PRKAR1B: variants seen among roughly 807,000 people sequenced by gnomAD.
PRKAR1B encodes cAMP-dependent protein kinase type I-beta regulatory subunit.
A neutral mutation model predicts 46.5 loss-of-function variants in PRKAR1B; 22 were observed. The observed-to-expected ratio is 0.47, with a 90% CI of 0.34 to 0.68. The LOEUF is 0.68. PRKAR1B is among the 30% of genes least tolerant of loss of function. PRKAR1B has a pLI of 0.01. For missense variants in PRKAR1B, 445 were observed against 535.6 expected (o/e 0.83, Z 1.67); for synonymous variants, 259 against 217.7 (o/e 1.19, Z -1.67).
rs181199040 is a variant in PRKAR1B at position 550,283 on chromosome 7, G to A, written c.*147C>T. 2.3e-4 allele frequency: 146 copies of A among 637,718 alleles called. No individual in the cohort carries two copies. Among genetic ancestry groups the A allele is most frequent in the Admixed American group, 1.6e-3 (56 of 34,168 alleles). The allele number at this position is 637,718 out of a possible 1,614,324, so 39.5% of individuals were successfully genotyped here. ...AAGGTGATCATTTATTCCAAAAAGT[G>A]AGTCCGGGGAAGGGGCAGTCCTCAC... On this transcript the variant is annotated 3_prime_UTR_variant, in exon 11 of 11. Transcript: ENST00000537384.
intron 5 of PRKAR1B, 30 bp downstream of exon 5, chr7:607,361 C>T: frequency 6.2e-7 from 1 of 1,600,888 alleles, no homozygotes; most frequent in Non-Finnish European, 8.6e-7. Context: ...CCCCTCTGGA[C>T]TTTGGCTCCG....
intron 2 of PRKAR1B, among the ~76,000 whole-genome samples, chr7:708,981 C>T (rs377140293): frequency 6.6e-6 from 1 of 150,854 alleles, no homozygotes; most frequent in Admixed American, 6.6e-5. Flanking sequence ...TTAGTAGAGA[C>T]GGGGTTTCAC....
intron 2 of PRKAR1B, among the ~76,000 whole-genome samples, chr7:699,972 C>T (rs905342180): frequency 2.0e-5 from 3 of 152,072 alleles, no homozygotes; most frequent in Non-Finnish European, 4.4e-5. Context: ...GAGGGGACAG[C>T]GGCGTGGGCG....
chr7:588,749 G>GAC (rs1562542164), intron 7 of PRKAR1B, among the ~76,000 whole-genome samples: 1 of 56,136 alleles, frequency 1.8e-5, no homozygotes, highest in Admixed American at 1.8e-4. Flanking sequence ...CAGTGGTGAT[G>GAC]GTGATGGTGA....
chr7:694,586 T>C (rs994587870), intron 2 of PRKAR1B, among the ~76,000 whole-genome samples: 5 of 150,486 alleles, frequency 3.3e-5, no homozygotes, highest in Non-Finnish European at 7.4e-5. Flanking sequence ...GCCACCTCCA[T>C]AGGAAGTTTT....
intron 2 of PRKAR1B, among the ~76,000 whole-genome samples, chr7:709,932 G>A (rs553135250): frequency 5.8e-4 from 89 of 152,284 alleles, no homozygotes; most frequent in Non-Finnish European, 9.6e-4. Context: ...ATAAGCCACC[G>A]TATCTGGCCT....
chr7:717,938 T>C (rs554065780), intron 1 of PRKAR1B, among the ~76,000 whole-genome samples: 1 of 152,140 alleles, frequency 6.6e-6, no homozygotes, highest in African/African-American at 2.4e-5. Flanking sequence ...GAGCATCACA[T>C]ATGATTCATG....
At position 552,900 on chromosome 7, in the gene PRKAR1B, C is replaced by A. The variant is rs139119045; in HGVS notation, c.892-1430G>T. Among the ~76,000 whole-genome samples the A allele has an allele frequency of 3.9e-5, 6 of 152,370 alleles. No homozygotes were observed. The East Asian group carries it at 1.2e-3, about 29-fold the overall frequency. ...GCCTACTAAGCTCCCTCCTGACCCC[C>A]GACACGGGGAAGTGGGGAGGGGTCT... On this transcript the variant is annotated intron_variant, in intron 9 of 10. Transcript: ENST00000537384.
chr7:673,044 TTAAAAAAA>T (rs1474123946), intron 4 of PRKAR1B, among the ~76,000 whole-genome samples: 1 of 15,470 alleles, frequency 6.5e-5, no homozygotes, highest in Non-Finnish European at 1.3e-4. Flanking sequence ...GGCCTTGTCT[TTAAAAAAA>T]AAAAAAAAAA....
At chr7:555,954 C>T (rs985550127) in intron 9 of PRKAR1B, among the ~76,000 whole-genome samples, 1 of 152,224 alleles carries the variant, frequency 6.6e-6, no homozygotes, top group Non-Finnish European at 1.5e-5. Context: ...GATGCCCCCG[C>T]TCCGGGGACT....
chr7:726,865 G>T, intron 1 of PRKAR1B: 1 of 1,317,526 alleles, frequency 7.6e-7, no homozygotes, highest in Non-Finnish European at 9.6e-7. Flanking sequence ...CCGGCGGCGC[G>T]CCTTGGAGGC....
chr7:693,962 T>A (rs1779585182), intron 2 of PRKAR1B, among the ~76,000 whole-genome samples: 1 of 152,208 alleles, frequency 6.6e-6, no homozygotes, highest in Non-Finnish European at 1.5e-5. Flanking sequence ...GCATTGGGTT[T>A]GGGATGTACT....
intron 4 of PRKAR1B, among the ~76,000 whole-genome samples, chr7:617,242 C>G (rs1226170698): frequency 6.6e-6 from 1 of 151,572 alleles, no homozygotes; most frequent in African/African-American, 2.4e-5. Context: ...ATCCACCTGC[C>G]TTGGCCTCCC....
chr7:657,188 G>C (rs898710876), intron 4 of PRKAR1B, among the ~76,000 whole-genome samples: 3 of 151,694 alleles, frequency 2.0e-5, no homozygotes, highest in Non-Finnish European at 2.9e-5. Context: ...TGAATGTGTG[G>C]ATGGGTGAAT....
intron 1 of PRKAR1B, among the ~76,000 whole-genome samples, chr7:713,580 C>T (rs1234605964): frequency 1.3e-5 from 2 of 151,642 alleles, no homozygotes; most frequent in Non-Finnish European, 2.9e-5. Context: ...CGTATACACA[C>T]TCACCGTCTC....
intron 4 of PRKAR1B, among the ~76,000 whole-genome samples, chr7:654,388 A>G (rs1785078761): frequency 6.7e-6 from 1 of 149,540 alleles, no homozygotes; most frequent in Non-Finnish European, 1.5e-5. Context: ...TTTCTTCACA[A>G]TAACTATCAT....
intron 3 of PRKAR1B, among the ~76,000 whole-genome samples, chr7:677,775 C>T (rs983494804): frequency 6.6e-6 from 1 of 152,142 alleles, no homozygotes; most frequent in Non-Finnish European, 1.5e-5. Context: ...GATGGGGAAG[C>T]GTTCTGAGAA....
At chr7:682,091 GA>G (rs35302648) in intron 2 of PRKAR1B, among the ~76,000 whole-genome samples, 2 of 152,132 alleles carry the variant, frequency 1.3e-5, no homozygotes, top group Non-Finnish European at 2.9e-5. Context: ...AGGGAGAGGA[GA>G]AGTCAGGAAT....
intron 4 of PRKAR1B, among the ~76,000 whole-genome samples, chr7:637,098 C>CCA (rs1784152633): frequency 6.6e-6 from 1 of 152,078 alleles, no homozygotes. Flanking sequence ...CCAGCCTGGG[C>CCA]CACACCGCGA....
Sources: allele counts gnomAD v4.1 joint callset (sites outside exome capture counted in the v4.1 genomes callset), GRCh38; gene constraint gnomAD v4.1.1; transcripts MANE v1.5; gene names NCBI Gene and HGNC (gene_info 2026-07-23, HGNC 2026-07-21).